Variants in ABCD3 observed in about 807,000 individuals in gnomAD.
The protein encoded by ABCD3 is ATP-binding cassette sub-family D member 3.
In ABCD3, 41 loss-of-function variants were observed where a neutral mutation model predicts 105.5. That is an observed-to-expected ratio of 0.39 (90% confidence interval 0.30 to 0.50). The LOEUF (loss-of-function observed/expected upper bound fraction) is 0.50, where lower values mean the gene tolerates loss of function less well. Among genes scored for constraint, ABCD3 ranks in the 20% least tolerant of loss-of-function variants. The pLI, the probability that ABCD3 is intolerant of heterozygous loss-of-function variation, is 0.84. For synonymous variants in ABCD3, 258 were observed against 269.0 expected, an observed-to-expected ratio of 0.96 and a Z score of 0.40; for missense variants, 622 against 806.3, an observed-to-expected ratio of 0.77 and a Z score of 2.77.
intron 21 of ABCD3, among the ~76,000 whole-genome samples, chr1:94,512,979 G>C (rs1650755303): frequency 6.6e-6 from 1 of 151,942 alleles, no homozygotes; most frequent in Admixed American, 6.6e-5. Context: ...TGTCACCTAG[G>C]GGTTTGTTAG....
chr1:94,401,503 A>T, the ABCD3 span, among the ~76,000 whole-genome samples: 1 of 152,258 alleles, frequency 6.6e-6, no homozygotes, highest in Admixed American at 6.5e-5. Context: ...AATTAACTGT[A>T]AATCCCACAG....
At chr1:94,477,284 G>T (rs1006024761) in intron 7 of ABCD3, among the ~76,000 whole-genome samples, 1 of 96,866 alleles carries the variant, frequency 1.0e-5, no homozygotes, top group Non-Finnish European at 2.1e-5. Flanking sequence ...GTTGAAACAA[G>T]CCAGTTAACA....
chr1:94,477,203 C>A (rs1648786797), intron 7 of ABCD3, among the ~76,000 whole-genome samples: 1 of 113,760 alleles, frequency 8.8e-6, no homozygotes, highest in Admixed American at 1.3e-4. Context: ...ATAAGTATCT[C>A]TAGCTTCTTG....
At chr1:94,423,746 C>T (rs61772844) in intron 1 of ABCD3, among the ~76,000 whole-genome samples, 1 of 152,072 alleles carries the variant, frequency 6.6e-6, no homozygotes, top group Non-Finnish European at 1.5e-5. Flanking sequence ...AGTCTCAGCC[C>T]TGTTGCCTGC....
In ABCD3 at chr1:94,464,883, A is replaced by G; in HGVS notation, c.246+10A>G. ...AACATTTTGTAAAGAGGTAAGTCTT[A>G]TGAAATTATAATCTTAAGTATATTG... On this transcript the variant is annotated intron_variant, in intron 3 of 22. Transcript: ENST00000370214. The G allele has an allele frequency of 6.2e-7, 1 of 1,600,502 alleles. No individual in the cohort carries two copies. Among genetic ancestry groups the G allele is most frequent in the South Asian group, 1.1e-5 (1 of 90,800 alleles).
intron 20 of ABCD3, among the ~76,000 whole-genome samples, chr1:94,502,197 G>A (rs562578836): frequency 1.3e-5 from 2 of 152,132 alleles, no homozygotes; most frequent in South Asian, 4.2e-4. Flanking sequence ...ACATCAGATG[G>A]GCTCACAGCA....
At chr1:94,386,315 A>G in the ABCD3 span, among the ~76,000 whole-genome samples, 1 of 152,358 alleles carries the variant, frequency 6.6e-6, no homozygotes, top group East Asian at 1.9e-4. Flanking sequence ...GGCTTCCTAA[A>G]TTATATTTTA....
chr1:94,469,782 C>T (rs1010797201), intron 4 of ABCD3, among the ~76,000 whole-genome samples: 2 of 151,180 alleles, frequency 1.3e-5, no homozygotes, highest in African/African-American at 4.9e-5. Context: ...TCTCCTGCCT[C>T]AGCCTCCTGA....
intron 1 of ABCD3, among the ~76,000 whole-genome samples, chr1:94,432,348 A>G (rs1388508669): frequency 6.6e-6 from 1 of 152,188 alleles, no homozygotes; most frequent in Non-Finnish European, 1.5e-5. Flanking sequence ...TAAGAAATAT[A>G]TAGTGTTTTG....
intron 16 of ABCD3, among the ~76,000 whole-genome samples, chr1:94,496,792 G>A (rs1280533979): frequency 7.6e-6 from 1 of 130,860 alleles, no homozygotes; most frequent in Non-Finnish European, 1.6e-5. Flanking sequence ...TTTTGAGACG[G>A]AGCCTTGCTC....
chr1:94,498,505 C>A, intron 16 of ABCD3, 97 bp from the exon 17 acceptor site: 1 of 1,231,246 alleles, frequency 8.1e-7, no homozygotes, highest in Non-Finnish European at 1.2e-6. Flanking sequence ...TTATAATTAG[C>A]CAGGAGCTAT....
In ABCD3 at chr1:94,517,958, A is replaced by G. The variant is rs1651005059; in HGVS notation, c.*829A>G. On this transcript the variant is annotated 3_prime_UTR_variant, in exon 23 of 23. Coordinates refer to ENST00000370214, the MANE Select transcript of ABCD3 (RefSeq NM_002858.4). ...ATTTGTGTGTGTTAGAAGCCCATTC[A>G]TTAGAAGTGTGGTGGTTATTTGGTA... 6.6e-6 allele frequency: 1 copy of G among 151,878 alleles called. No homozygotes were observed. Among genetic ancestry groups the G allele is most frequent in the African/African-American group, 2.4e-5 (1 of 41,406 alleles). 9.4% of individuals were successfully genotyped at this position (151,878 alleles called of 1,614,324 possible).
At chr1:94,457,950 A>G (rs952712848) in intron 1 of ABCD3, among the ~76,000 whole-genome samples, 35 of 152,194 alleles carry the variant, frequency 2.3e-4, no homozygotes, top group African/African-American at 7.5e-4. Flanking sequence ...ACATCCAACA[A>G]GAAATTTAAA....
At chr1:94,405,264 G>C in the ABCD3 span, among the ~76,000 whole-genome samples, 6 of 151,512 alleles carry the variant, frequency 4.0e-5, no homozygotes, top group Non-Finnish European at 1.5e-5. Context: ...CAATGCATGA[G>C]GGTATTTATT....
chr1:94,480,451 C>T lies in ABCD3; in HGVS notation c.685-13C>T, dbSNP rs1202431912. The stretch of plus-strand genomic sequence containing the variant: ...CCAGAACTTTGTGTATCTTTCTCTC[C>T]CAATAATAATAGGGCCCAGCGAGCA... On this transcript the variant is annotated splice_polypyrimidine_tract_variant and intron_variant, in intron 8 of 22. Coordinates refer to ENST00000370214, the MANE Select transcript of ABCD3 (RefSeq NM_002858.4). The T allele has an allele frequency of 6.2e-7, 1 of 1,613,420 alleles. No homozygotes were observed. The highest frequency in any genetic ancestry group is 8.5e-7 in the Non-Finnish European group (1 of 1,179,714).
the ABCD3 span, among the ~76,000 whole-genome samples, chr1:94,404,512 A>G: frequency 6.6e-6 from 1 of 151,792 alleles, no homozygotes; most frequent in Admixed American, 6.6e-5. Context: ...TCAGTTTTTC[A>G]TTTTTTCCTT....
At chr1:94,459,919 ATGT>A (rs1190696859) in intron 2 of ABCD3, among the ~76,000 whole-genome samples, 1 of 152,250 alleles carries the variant, frequency 6.6e-6, no homozygotes, top group African/African-American at 2.4e-5. Flanking sequence ...AAGGTTCATC[ATGT>A]TGTTGTATCA....
At chr1:94,463,187 AC>A (rs1482021216) in intron 2 of ABCD3, among the ~76,000 whole-genome samples, 3 of 152,188 alleles carry the variant, frequency 2.0e-5, no homozygotes, top group Admixed American at 1.3e-4. Context: ...TGTCTGAAAG[AC>A]CTGAAATGCT....
intron 1 of ABCD3, among the ~76,000 whole-genome samples, chr1:94,453,598 G>A (rs11582033): frequency 0.36 from 54,692 of 151,752 alleles, 11,416 homozygotes; most frequent in Middle Eastern, 0.54. Flanking sequence ...GATTACAGGC[G>A]TGAGCCACCG....
Sources: allele counts gnomAD v4.1 joint callset (sites outside exome capture counted in the v4.1 genomes callset), GRCh38; gene constraint gnomAD v4.1.1; transcripts MANE v1.5; gene names NCBI Gene and HGNC (gene_info 2026-07-23, HGNC 2026-07-21).